VDAC3: variants seen among roughly 807,000 people sequenced by gnomAD.
The protein encoded by VDAC3 is non-selective voltage-gated ion channel VDAC3.
A neutral mutation model predicts 33.9 loss-of-function variants in VDAC3; 7 were observed. That is an observed-to-expected ratio of 0.21 (90% CI 0.12 to 0.39). The LOEUF is 0.39. Ranked by LOEUF, VDAC3 falls within the 10% of genes least tolerant of loss-of-function variation. The pLI, the probability that VDAC3 is intolerant of heterozygous loss-of-function variation, is 1.00. For synonymous variants in VDAC3, 100 were observed against 122.4 expected (o/e 0.82, Z 1.21); for missense variants, 261 against 334.5 (o/e 0.78, Z 1.71).
At chr8:42,401,726 T>G (rs1231716908) in intron 6 of VDAC3, 62 bp from the exon 7 acceptor site, 2 of 1,495,310 alleles carry the variant, frequency 1.3e-6, no homozygotes, top group Non-Finnish European at 9.3e-7. Flanking sequence ...TAAAAATTCC[T>G]AGACAGTAGT....
At chr8:42,399,276 G>GTATAGA (rs1211658938) in intron 5 of VDAC3, among the ~76,000 whole-genome samples, 4 of 152,186 alleles carry the variant, frequency 2.6e-5, no homozygotes, top group Non-Finnish European at 5.9e-5. Context: ...GAGATACCAT[G>GTATAGA]TATAGATAAT....
At chr8:42,395,328 T>C (rs1011635620) in intron 4 of VDAC3, among the ~76,000 whole-genome samples, 195 bp downstream of exon 4, 4 of 152,254 alleles carry the variant, frequency 2.6e-5, no homozygotes, top group African/African-American at 9.6e-5. Flanking sequence ...CCTTTTGTGT[T>C]TCTCAGAGTA....
chr8:42,399,272 C>CCATGTT (rs1226656556), intron 5 of VDAC3, among the ~76,000 whole-genome samples: 1 of 152,108 alleles, frequency 6.6e-6, no homozygotes, highest in African/African-American at 2.4e-5. Context: ...GATAGAGATA[C>CCATGTT]CATGTATAGA....
chr8:42,393,699 A>C, intron 1 of VDAC3, 146 bp from the exon 2 acceptor site: 1 of 386,528 alleles, frequency 2.6e-6, no homozygotes, highest in Non-Finnish European at 4.6e-6. Flanking sequence ...TTGAGAGAAG[A>C]TATATTCTAG....
intron 4 of VDAC3, among the ~76,000 whole-genome samples, chr8:42,395,735 GGGTCATGA>G (rs1167191926): frequency 6.6e-6 from 1 of 152,008 alleles, no homozygotes; most frequent in African/African-American, 2.4e-5. Context: ...CGAGGTGGGC[GGGTCATGA>G]GGTCAGGAGT....
chr8:42,395,179 A>G (rs1285075492), intron 4 of VDAC3, 46 bp downstream of exon 4: 3 of 1,610,114 alleles, frequency 1.9e-6, no homozygotes, highest in Non-Finnish European at 1.7e-6. Context: ...AATTAACTTA[A>G]AGGAATCTGT....
intron 8 of VDAC3, 118 bp from the exon 9 acceptor site, chr8:42,404,749 A>G (rs1178182037): frequency 1.5e-6 from 1 of 665,924 alleles, no homozygotes. Context: ...AAAATCAGTA[A>G]TTCTAGATTG....
chr8:42,400,791 A>G (rs1434457677), intron 6 of VDAC3, among the ~76,000 whole-genome samples: 2 of 144,710 alleles, frequency 1.4e-5, no homozygotes, highest in Non-Finnish European at 1.5e-5. Flanking sequence ...TCAGCCTCCC[A>G]AATAGCTGGG....
At chr8:42,397,607 A>T (rs1274918401) in intron 4 of VDAC3, 1 of 152,200 alleles carries the variant, frequency 6.6e-6, no homozygotes, top group African/African-American at 2.4e-5. Flanking sequence ...CTAATTGCTT[A>T]TTGTCATATG....
intron 4 of VDAC3, chr8:42,396,812 C>T: frequency 3.3e-6 from 2 of 607,192 alleles, no homozygotes; most frequent in East Asian, 5.6e-5. Flanking sequence ...CATATGCTAT[C>T]TACTTAACAG....
At chr8:42,405,031 AT>A (rs1303757590) in intron 9 of VDAC3, 107 bp downstream of exon 9, 5 of 982,212 alleles carry the variant, frequency 5.1e-6, no homozygotes, top group South Asian at 1.5e-5. Flanking sequence ...GATTTGGACC[AT>A]TTTGTAACAT....
intron 3 of VDAC3, among the ~76,000 whole-genome samples, chr8:42,394,532 A>AAT (rs1452179323): frequency 1.3e-5 from 2 of 152,310 alleles, no homozygotes; most frequent in East Asian, 3.9e-4. Context: ...AATGTAGAAT[A>AAT]ATATATATAA....
intron 4 of VDAC3, chr8:42,396,876 C>T (rs1284843647): frequency 1.8e-6 from 1 of 544,884 alleles, no homozygotes; most frequent in East Asian, 3.0e-5. Context: ...GAGCTATATG[C>T]ATGTTATATG....
intron 7 of VDAC3, among the ~76,000 whole-genome samples, chr8:42,402,414 G>A (rs561224991): frequency 8.5e-5 from 13 of 152,278 alleles, no homozygotes; most frequent in African/African-American, 2.6e-4. Context: ...AAATTGATCT[G>A]AGCATCCTGG....
intron 9 of VDAC3, 149 bp from the exon 10 acceptor site, chr8:42,405,222 T>TA (rs1471347516): frequency 2.9e-6 from 2 of 685,914 alleles, no homozygotes; most frequent in Non-Finnish European, 4.9e-6. Context: ...ATCAGATAGT[T>TA]ATAAATAACC....
At chr8:42,399,749 AG>A (rs1193808225) in intron 6 of VDAC3, 46 bp downstream of exon 6, 7 of 1,564,698 alleles carry the variant, frequency 4.5e-6, no homozygotes, top group East Asian at 4.5e-5. Flanking sequence ...GGAGCCTGAA[AG>A]GGTAGAGAGC....
At chr8:42,394,342 T>A in intron 3 of VDAC3, 64 bp downstream of exon 3, 1 of 1,350,454 alleles carries the variant, frequency 7.4e-7, no homozygotes, top group African/African-American at 1.4e-5. Flanking sequence ...CTACTGTGTG[T>A]AAATACTGTG....
At chr8:42,392,282 G>T (rs1824882995) in intron 1 of VDAC3, among the ~76,000 whole-genome samples, 1 of 152,248 alleles carries the variant, frequency 6.6e-6, no homozygotes, top group Non-Finnish European at 1.5e-5. Flanking sequence ...CCTCCTTACG[G>T]CCGAGGGAGG....
rs369947157 is a variant in VDAC3 at position 42,398,784 on chromosome 8, G to T, written c.190G>T (p.Val64Phe). 12 of 1,613,956 alleles carry T rather than the reference G, an allele frequency of 7.4e-6. No individual in the cohort carries two copies. Among genetic ancestry groups the T allele is most frequent in the South Asian group, 5.5e-5 (5 of 91,072 alleles). ...AGGCAACCTAGAAACCAAATATAAG[G>T]TCTGTAACTATGGACTTACCTTCAC... is the stretch of plus-strand genomic sequence containing the variant. ...ASGNLETKYK[V>F]CNYGLTFTQK... The change falls in exon 5 of 10, where the codon GTC becomes TTC. Residue 64 changes from valine (V) to phenylalanine (F), a missense_variant. Transcript: ENST00000022615.
Sources: gnomAD v4.1 joint callset for allele counts (sites outside exome capture counted in the v4.1 genomes callset) on GRCh38, gnomAD v4.1.1 for gene constraint, MANE v1.5 for transcripts, NCBI Gene and HGNC (gene_info 2026-07-23, HGNC 2026-07-21) for gene names.